CDH17: variants seen among roughly 807,000 people sequenced by gnomAD.
The protein encoded by CDH17 is cadherin 17.
Under a neutral mutation model 86.3 loss-of-function variants are expected in CDH17, and 67 were observed. The ratio of observed to expected loss-of-function variants is 0.78; its 90% CI spans 0.64 to 0.95. The LOEUF is 0.95. Among genes scored for constraint, CDH17 ranks in the 40% least tolerant of loss-of-function variants. The pLI is 0.00. For missense variants in CDH17, 993 were observed against 1,017.6 expected (o/e 0.98, Z 0.33); for synonymous variants, 367 against 366.4 (o/e 1.00, Z -0.02).
intron 1 of CDH17, among the ~76,000 whole-genome samples, chr8:94,199,077 ATATATATTTTT>A (rs1482969492): frequency 1.3e-3 from 11 of 8,770 alleles, no homozygotes; most frequent in Non-Finnish European, 3.9e-3. Flanking sequence ...ATATATATAT[ATATATATTTTT>A]TTTTTTTTAT....
intron 3 of CDH17, among the ~76,000 whole-genome samples, chr8:94,188,704 A>G (rs1813628207): frequency 6.6e-6 from 1 of 152,034 alleles, no homozygotes; most frequent in African/African-American, 2.4e-5. Flanking sequence ...TAAAACGTCC[A>G]CCTCCCAGTG....
rs1427433204 is a variant in CDH17, at chr8:94,176,674, T to A, written c.291A>T (p.Ala97=). The change falls in exon 5 of 18, where the codon GCA becomes GCT. Residue 97 remains alanine (A), a synonymous_variant. Transcript: ENST00000027335. ...CTATAATTCCATTAGCGTCCAGGGCTGCAACCTGATGTTGAGGAAAAGGAA... is the reference window on the plus strand; with the variant it reads ...CTATAATTCCATTAGCGTCCAGGGCAGCAACCTGATGTTGAGGAAAAGGAA... ...ETRSTHNLQV[A]ALDANGIIVE... 6 of 1,610,940 alleles carry A rather than the reference T, an allele frequency of 3.7e-6. No homozygotes were observed. Among genetic ancestry groups the A allele is most frequent in the Non-Finnish European group, 5.1e-6 (6 of 1,178,878 alleles).
At chr8:94,190,514 C>T (rs1484699707) in intron 2 of CDH17, among the ~76,000 whole-genome samples, 1 of 152,236 alleles carries the variant, frequency 6.6e-6, no homozygotes, top group Non-Finnish European at 1.5e-5. Flanking sequence ...TTTAGTGCCT[C>T]ATCCCCACGC....
chr8:94,177,954 C>T (rs563531610), intron 3 of CDH17, among the ~76,000 whole-genome samples: 1 of 152,288 alleles, frequency 6.6e-6, no homozygotes, highest in South Asian at 2.1e-4. Flanking sequence ...TGACAAAAGT[C>T]ATTGATGCTT....
rs369436985 is a variant in CDH17, at chr8:94,170,495, G to T, written c.968C>A (p.Pro323Gln). The change falls in exon 9 of 18, where the codon CCG (proline) becomes CAG (glutamine). Residue 323 changes from proline to glutamine, a missense_variant. Coordinates refer to ENST00000027335, the MANE Select transcript of CDH17 (RefSeq NM_004063.4). ...TTTAACTTTTACATGAATTTCCAGC[G>T]GATATGAAAGTGGTTTTCCGTACTC... ...KDEYGKPLSYPLEIHVKVKDI... is the reference protein window; with the variant it reads ...KDEYGKPLSYQLEIHVKVKDI... 6.2e-7 allele frequency: 1 copy of T among 1,613,688 alleles called. No homozygotes were observed. The highest frequency in any genetic ancestry group is 1.7e-5 in the Admixed American group (1 of 59,990).
chr8:94,170,616 TTG>T (rs1348590144), intron 8 of CDH17, 69 bp from the exon 9 acceptor site: 17 of 1,531,534 alleles, frequency 1.1e-5, no homozygotes, highest in Middle Eastern at 3.5e-4. Flanking sequence ...GAGAAAATCG[TTG>T]TTTCATTTCT....
rs772250943 is a variant in CDH17 at position 94,176,571 on chromosome 8, C to T, written c.394G>A (p.Glu132Lys). The stretch of plus-strand genomic sequence containing the variant: ...CGAGAGTTCTGCCTTACTGAGCCTT[C>T]GTACTTTGACTGGAGAAACGTGGGT... ...NRPTFLQSKY[E>K]GSVRQNSRPG... is the part of the protein sequence containing the mutation. Residue 132 changes from glutamate (E) to lysine (K), a missense_variant, in exon 5 of 18, where the codon GAA (glutamate) becomes AAA (lysine). By Grantham distance (56) the Glu-to-Lys change is moderately conservative. Transcript: ENST00000027335. 2.7e-5 allele frequency: 44 copies of T among 1,613,708 alleles called. No homozygotes were observed. The East Asian group carries it at 3.8e-4, about 14-fold the overall frequency.
chr8:94,174,087 C>G lies in CDH17; in HGVS notation c.583+15G>C, dbSNP rs1386246785. 1 of 1,612,546 alleles carries G rather than the reference C, an allele frequency of 6.2e-7. No homozygotes were observed. Among genetic ancestry groups the G allele is most frequent in the Non-Finnish European group, 8.5e-7 (1 of 1,178,818 alleles). On this transcript the variant is annotated intron_variant, in intron 6 of 17. Transcript: ENST00000027335. ...TCTGATCGAGACAGTCCTACCAGGG[C>G]ACCCCTGAACTTACCCTCTCGGGTA...
intron 1 of CDH17, among the ~76,000 whole-genome samples, chr8:94,201,192 G>C (rs888397470): frequency 1.3e-5 from 2 of 152,160 alleles, no homozygotes; most frequent in Non-Finnish European, 2.9e-5. Flanking sequence ...GGTCTGGGAA[G>C]TTTTGTTTCT....
chr8:94,141,819 C>G (rs1388908772), intron 15 of CDH17, among the ~76,000 whole-genome samples: 1 of 152,070 alleles, frequency 6.6e-6, no homozygotes, highest in Non-Finnish European at 1.5e-5. Context: ...AGATTCAATA[C>G]AATCTCAACA....
intron 1 of CDH17, among the ~76,000 whole-genome samples, chr8:94,203,696 T>G (rs1298387942): frequency 6.6e-6 from 1 of 152,172 alleles, no homozygotes; most frequent in Non-Finnish European, 1.5e-5. Flanking sequence ...CCAATTAAAG[T>G]GGCCATTAAT....
At chr8:94,182,576 T>A (rs555057215) in intron 3 of CDH17, among the ~76,000 whole-genome samples, 1 of 152,170 alleles carries the variant, frequency 6.6e-6, no homozygotes, top group African/African-American at 2.4e-5. Context: ...CCTTTCATGA[T>A]AAAAACACTC....
chr8:94,151,803 C>T (rs1812860114), intron 13 of CDH17, 65 bp downstream of exon 13: 7 of 1,597,264 alleles, frequency 4.4e-6, no homozygotes, highest in Non-Finnish European at 4.3e-6. Flanking sequence ...CAGGCCAGCT[C>T]CTCCTCCTCC....
chr8:94,203,852 G>T (rs558858030), intron 1 of CDH17, among the ~76,000 whole-genome samples: 2 of 152,268 alleles, frequency 1.3e-5, no homozygotes, highest in East Asian at 3.9e-4. Flanking sequence ...AAAGGAGGGA[G>T]GGAGGGATGA....
chr8:94,187,381 C>A (rs1192215940), intron 3 of CDH17, among the ~76,000 whole-genome samples: 1 of 152,246 alleles, frequency 6.6e-6, no homozygotes, highest in African/African-American at 2.4e-5. Context: ...GGTAAGCTCA[C>A]CGGAGCAGGG....
intron 11 of CDH17, among the ~76,000 whole-genome samples, chr8:94,161,172 G>T (rs1813044254): frequency 6.6e-6 from 1 of 152,184 alleles, no homozygotes; most frequent in Non-Finnish European, 1.5e-5. Flanking sequence ...AAAAGGCGAG[G>T]AGGTCACAAA....
Position 94,130,865 on chromosome 8 carries a change from A to T in CDH17, c.2284+11T>A. The T allele has an allele frequency of 6.4e-7, 1 of 1,572,870 alleles. No homozygotes were observed. Among genetic ancestry groups the T allele is most frequent in the Non-Finnish European group, 8.8e-7 (1 of 1,142,320 alleles). ...GATACTAGCCTGAGTTGCCTATAGC[A>T]GAATATCTACCTGGTAAAGAAACAA... On this transcript the variant is annotated intron_variant, in intron 16 of 17. Coordinates refer to ENST00000027335, the MANE Select transcript of CDH17 (RefSeq NM_004063.4).
At chr8:94,136,266 T>C (rs937712906) in intron 15 of CDH17, among the ~76,000 whole-genome samples, 19 of 152,362 alleles carry the variant, frequency 1.2e-4, no homozygotes, top group Admixed American at 3.3e-4. Flanking sequence ...CTTGGTTTCA[T>C]TCTCCCCGTC....
At chr8:94,170,827 C>A in intron 8 of CDH17, 27 bp downstream of exon 8, 1 of 1,608,418 alleles carries the variant, frequency 6.2e-7, no homozygotes, top group Non-Finnish European at 8.5e-7. Flanking sequence ...TGTCTTGTCG[C>A]CTGTGAAACT....
Sources: gnomAD v4.1 joint callset for allele counts (sites outside exome capture counted in the v4.1 genomes callset) on GRCh38, gnomAD v4.1.1 for gene constraint, MANE v1.5 for transcripts, NCBI Gene and HGNC (gene_info 2026-07-23, HGNC 2026-07-21) for gene names.